CISH: variants seen among roughly 807,000 people sequenced by gnomAD.
CISH encodes the protein cytokine-inducible SH2-containing protein.
In CISH, 11 loss-of-function variants were observed where a neutral mutation model predicts 21.3. That is an observed-to-expected ratio of 0.52 (90% CI 0.32 to 0.85). CISH has a LOEUF of 0.85. Among genes scored for constraint, CISH ranks in the 40% least tolerant of loss-of-function variants. CISH has a pLI of 0.03. For missense variants in CISH, 280 were observed against 351.7 expected (o/e 0.80, Z 1.63); for synonymous variants, 118 against 142.3 (o/e 0.83, Z 1.22).
In CISH at chr3:50,608,421, C is replaced by T; in HGVS notation, c.193G>A (p.Glu65Lys). Residue 65 changes from glutamate to lysine, a missense_variant, in exon 2 of 3, where the codon GAG becomes AAG. Physicochemically the swap from Glu to Lys is moderately conservative, Grantham distance 56 (BLOSUM62 1). Transcript: ENST00000348721. ...ESEPKVLDPE[E>K]DLLCIAKTFS... ...GTCTTGGCTATGCACAGCAGATCCT[C>T]CTCTGGGTCCAGCACCTTTGGCTCA... The T allele has an allele frequency of 1.2e-6, 2 of 1,613,634 alleles. No homozygotes were observed. Among genetic ancestry groups the T allele is most frequent in the Non-Finnish European group, 1.7e-6 (2 of 1,179,758 alleles).
intron 1 of CISH, chr3:50,611,038 G>A (rs554530891): frequency 8.1e-6 from 8 of 990,742 alleles, no homozygotes; most frequent in Non-Finnish European, 9.6e-6. Flanking sequence ...ATCCCAGACT[G>A]GGCTGAGACA....
At position 50,607,870 on chromosome 3, in the gene CISH, G is replaced by A. The variant is rs151134438; in HGVS notation, c.514C>T (p.Arg172Ter). The A allele has an allele frequency of 1.5e-5, 24 of 1,613,596 alleles. No homozygotes were observed. Among genetic ancestry groups the A allele is most frequent in the Admixed American group, 3.3e-5 (2 of 59,988 alleles). Reference sequence around the variant, plus strand: ...GGAGCAGGATCGGGGCTGTCGCTTCGGGTATCAGCAGTGCAGGAGGCCACA... The same window carrying A: ...GGAGCAGGATCGGGGCTGTCGCTTCAGGTATCAGCAGTGCAGGAGGCCACA... ...HYVASCTADT[R>*]SDSPDPAPTP... Residue 172 changes from arginine (R) to a stop codon, truncating the protein, a stop_gained, in exon 3 of 3, where the codon CGA becomes TGA. Transcript: ENST00000348721. LOFTEE classifies it high-confidence loss of function.
intron 1 of CISH, 34 bp downstream of exon 1, chr3:50,611,597 G>T: frequency 6.6e-7 from 1 of 1,523,006 alleles, no homozygotes; most frequent in Non-Finnish European, 8.8e-7. Context: ...CGCCCCTCGT[G>T]GTGGCCGGGA....
chr3:50,611,284 C>T, intron 1 of CISH: 1 of 1,240,026 alleles, frequency 8.1e-7, no homozygotes, highest in Non-Finnish European at 1.0e-6. Context: ...GCGTAGAGTG[C>T]TCTGGGCCCA....
At position 50,606,911 on chromosome 3, in the gene CISH, G is replaced by C. The variant is rs973388188; in HGVS notation, c.*696C>G. The C allele has an allele frequency of 6.6e-5, 10 of 152,352 alleles. No homozygotes were observed. Among genetic ancestry groups the C allele is most frequent in the African/African-American group, 2.4e-4 (10 of 41,508 alleles). The allele number at this position is 152,352 out of a possible 1,614,324, so 9.4% of individuals were successfully genotyped here. A position where few individuals can be genotyped will look rare whatever the true frequency, so the allele number is the denominator to read the frequency against. ...AATATGGCTGGGGGCAGAAGAGAGT[G>C]GACACATTCACAGACGGGTGGGTCA... On this transcript the variant is annotated 3_prime_UTR_variant, in exon 3 of 3. Coordinates refer to ENST00000348721, the MANE Select transcript of CISH (RefSeq NM_145071.4).
chr3:50,610,681 C>A, intron 1 of CISH: 1 of 1,384,920 alleles, frequency 7.2e-7, no homozygotes, highest in Non-Finnish European at 9.4e-7. Flanking sequence ...AGTAGTCTTC[C>A]CAGCACCTCC....
intron 1 of CISH, chr3:50,610,935 T>C (rs1432336594): frequency 1.0e-6 from 1 of 1,003,250 alleles, no homozygotes; most frequent in South Asian, 4.2e-5. Context: ...GTCAAGACTC[T>C]GTCTTATCAG....
intron 1 of CISH, chr3:50,610,298 A>G: frequency 2.0e-6 from 3 of 1,501,686 alleles, no homozygotes; most frequent in Non-Finnish European, 2.7e-6. Context: ...AGGTGTGGGC[A>G]CCTTTGGGGC....
intron 1 of CISH, chr3:50,611,335 C>A (rs997726738): frequency 1.5e-6 from 2 of 1,327,664 alleles, no homozygotes; most frequent in African/African-American, 3.1e-5. Flanking sequence ...TGGGGGACGC[C>A]GTGCCGTTAG....
rs571443532 is a variant in CISH at position 50,606,700 on chromosome 3, T to C, written c.*907A>G. 1.1e-3 allele frequency: 171 copies of C among 152,342 alleles called. 1 individual carries two copies. The highest frequency in any genetic ancestry group is 2.2e-3 in the Non-Finnish European group (152 of 68,090). The allele number at this position is 152,342 out of a possible 1,614,324, so 9.4% of individuals were successfully genotyped here. ...GGAAGCAGACCTAGCAGAACTGCAG[T>C]GGCGGCCCTCAAACCAGCACCCCCT... On this transcript the variant is annotated 3_prime_UTR_variant, in exon 3 of 3. Coordinates refer to ENST00000348721, the MANE Select transcript of CISH (RefSeq NM_145071.4).
In CISH at chr3:50,607,484, G is replaced by T; in HGVS notation, c.*123C>A. ...GCTCTTGCTGGCTCTTCCTGGGCCA[G>T]CTGCCAGAGGTATGCAGGCACCAGG... On this transcript the variant is annotated 3_prime_UTR_variant, in exon 3 of 3. Coordinates refer to ENST00000348721, the MANE Select transcript of CISH (RefSeq NM_145071.4). 3 of 1,046,824 alleles carry T rather than the reference G, an allele frequency of 2.9e-6. No individual in the cohort carries two copies. The highest frequency in any genetic ancestry group is 4.1e-6 in the Non-Finnish European group (3 of 727,910). The allele number at this position is 1,046,824 out of a possible 1,614,324, so 64.8% of individuals were successfully genotyped here. A position where few individuals can be genotyped will look rare whatever the true frequency, so the allele number is the denominator to read the frequency against.
chr3:50,607,289 T>A lies in CISH; in HGVS notation c.*318A>T. On this transcript the variant is annotated 3_prime_UTR_variant, in exon 3 of 3. Coordinates refer to ENST00000348721, the MANE Select transcript of CISH (RefSeq NM_145071.4). ...CCAGGGCTGAGAGTGCCCATACAGT[T>A]CAGGTGGCCAGGGCAGGCAAGCGAG... The A allele has an allele frequency of 2.7e-6, 1 of 366,574 alleles. No individual in the cohort carries two copies. The highest frequency in any genetic ancestry group is 5.1e-6 in the Non-Finnish European group (1 of 196,054). 22.7% of individuals were successfully genotyped at this position (366,574 alleles called of 1,614,324 possible).
chr3:50,610,361 G>T (rs372321260), intron 1 of CISH: 14 of 1,551,246 alleles, frequency 9.0e-6, no homozygotes, highest in Non-Finnish European at 1.2e-5. Context: ...CAAGCTCCTG[G>T]TGAGTGTGTA....
intron 1 of CISH, chr3:50,610,667 G>A (rs2032296790): frequency 1.4e-6 from 2 of 1,408,176 alleles, no homozygotes; most frequent in African/African-American, 2.9e-5. Context: ...GACAGCAAGG[G>A]AGAAGTAGTC....
intron 1 of CISH, chr3:50,611,068 G>A: frequency 1.0e-6 from 1 of 990,880 alleles, no homozygotes; most frequent in Non-Finnish European, 1.2e-6. Context: ...GACGATTGTG[G>A]GGGTACCCCA....
intron 1 of CISH, chr3:50,611,340 C>T: frequency 3.8e-6 from 5 of 1,331,992 alleles, no homozygotes; most frequent in Non-Finnish European, 4.8e-6. Context: ...GACGCCGTGC[C>T]GTTAGCATCC....
At chr3:50,610,338 G>C in intron 1 of CISH, 5 of 1,550,146 alleles carry the variant, frequency 3.2e-6, no homozygotes, top group Non-Finnish European at 4.4e-6. Context: ...ATGAATAGCT[G>C]TGTTGATCAC....
chr3:50,611,435 G>GT, intron 1 of CISH, 196 bp downstream of exon 1: 1 of 1,372,442 alleles, frequency 7.3e-7, no homozygotes, highest in African/African-American at 1.5e-5. Flanking sequence ...AATCCACAGT[G>GT]GGAATTGAGG....
intron 1 of CISH, chr3:50,610,281 C>T: frequency 1.4e-6 from 2 of 1,420,842 alleles, no homozygotes; most frequent in Non-Finnish European, 1.9e-6. Context: ...CCTCAGATCC[C>T]ACATGTAGGT....
Sources: allele counts gnomAD v4.1 joint callset, GRCh38; gene constraint gnomAD v4.1.1; transcripts MANE v1.5; gene names NCBI Gene and HGNC (gene_info 2026-07-23, HGNC 2026-07-21).